The following ARB2A variants were observed in gnomAD, a reference collection of about 807,000 sequenced individuals.
The protein encoded by ARB2A is cotranscriptional regulator ARB2A.
At chr5:93,991,602 C>A in the ARB2A span, among the ~76,000 whole-genome samples, 7 of 151,444 alleles carry the variant, frequency 4.6e-5, no homozygotes, top group African/African-American at 7.3e-5. Context: ...AAAAATGGAA[C>A]TGCCAAGAAC....
the ARB2A span, among the ~76,000 whole-genome samples, chr5:94,095,423 A>G: frequency 1.3e-5 from 2 of 152,130 alleles, no homozygotes; most frequent in Non-Finnish European, 2.9e-5. Flanking sequence ...AGCAAACTAT[A>G]CAAGCCTTCT....
the ARB2A span, chr5:93,776,202 T>C: frequency 6.2e-7 from 1 of 1,612,400 alleles, no homozygotes; most frequent in Non-Finnish European, 8.5e-7. Context: ...ACTCCACTGA[T>C]GTGTCTAATG....
chr5:93,834,260 G>A, the ARB2A span, among the ~76,000 whole-genome samples: 1 of 152,158 alleles, frequency 6.6e-6, no homozygotes, highest in Admixed American at 6.5e-5. Flanking sequence ...AGCACCTAGT[G>A]TGAGACCATA....
chr5:93,715,364 G>T, the ARB2A span, among the ~76,000 whole-genome samples: 1 of 152,164 alleles, frequency 6.6e-6, no homozygotes, highest in East Asian at 1.9e-4. Context: ...TTCTGATGCA[G>T]TCCCCTTAAG....
the ARB2A span, among the ~76,000 whole-genome samples, chr5:93,967,011 G>T: frequency 6.8e-6 from 1 of 147,204 alleles, no homozygotes; most frequent in African/African-American, 2.5e-5. Context: ...ACAAGTTCAA[G>T]ATTTAAAAAA....
At chr5:93,777,223 G>A in the ARB2A span, among the ~76,000 whole-genome samples, 1 of 151,402 alleles carries the variant, frequency 6.6e-6, no homozygotes, top group Non-Finnish European at 1.5e-5. Context: ...ATGAGTTAGT[G>A]GGTGCGGCAC....
At chr5:93,641,125 G>A in the ARB2A span, among the ~76,000 whole-genome samples, 10 of 151,886 alleles carry the variant, frequency 6.6e-5, no homozygotes, top group African/African-American at 9.7e-5. Flanking sequence ...ACTTGAACCC[G>A]GGAGGTGGAG....
chr5:93,870,226 G>A, the ARB2A span, among the ~76,000 whole-genome samples: 1 of 152,154 alleles, frequency 6.6e-6, no homozygotes, highest in Non-Finnish European at 1.5e-5. Context: ...GGAGGAGGGA[G>A]GAAGGAGGGC....
chr5:93,641,654 TAAAG>T, the ARB2A span, among the ~76,000 whole-genome samples: 1 of 152,148 alleles, frequency 6.6e-6, no homozygotes, highest in Non-Finnish European at 1.5e-5. Flanking sequence ...ACCACAATAA[TAAAG>T]AATGCTATGA....
the ARB2A span, among the ~76,000 whole-genome samples, chr5:94,037,823 A>C: frequency 6.6e-6 from 1 of 152,166 alleles, no homozygotes; most frequent in Non-Finnish European, 1.5e-5. Context: ...CAGCCATTGA[A>C]AAACTCCTAT....
chr5:93,624,282 G>C, the ARB2A span, among the ~76,000 whole-genome samples: 1 of 152,130 alleles, frequency 6.6e-6, no homozygotes, highest in Non-Finnish European at 1.5e-5. Context: ...CACTAACCTT[G>C]TCATTTGAAG....
At chr5:94,100,140 G>A in the ARB2A span, among the ~76,000 whole-genome samples, 4 of 151,998 alleles carry the variant, frequency 2.6e-5, no homozygotes, top group Admixed American at 1.3e-4. Flanking sequence ...CCTACAGACC[G>A]ACAACAACCA....
the ARB2A span, among the ~76,000 whole-genome samples, chr5:93,663,506 T>A: frequency 6.6e-6 from 1 of 152,156 alleles, no homozygotes; most frequent in Non-Finnish European, 1.5e-5. Flanking sequence ...CAACTGATCA[T>A]GTGAGATAGA....
At chr5:93,799,328 CTGT>C in the ARB2A span, among the ~76,000 whole-genome samples, 1 of 152,032 alleles carries the variant, frequency 6.6e-6, no homozygotes. Flanking sequence ...GATAGTGTTG[CTGT>C]TGTTTTCTTT....
chr5:93,650,831 A>G, the ARB2A span, among the ~76,000 whole-genome samples: 1 of 151,832 alleles, frequency 6.6e-6, no homozygotes, highest in African/African-American at 2.4e-5. Flanking sequence ...CTACTAAAAA[A>G]AAAAAAAAAA....
At chr5:94,034,633 A>G in the ARB2A span, among the ~76,000 whole-genome samples, 1 of 152,166 alleles carries the variant, frequency 6.6e-6, no homozygotes, top group Non-Finnish European at 1.5e-5. Context: ...TTTATCCTCA[A>G]ATTGCACCAA....
chr5:93,996,430 G>T, the ARB2A span, among the ~76,000 whole-genome samples: 2 of 152,010 alleles, frequency 1.3e-5, no homozygotes, highest in Non-Finnish European at 1.5e-5. Flanking sequence ...TGACCTCAGG[G>T]TTGTGTGAGA....
chr5:93,712,910 C>T, the ARB2A span, among the ~76,000 whole-genome samples: 1 of 152,114 alleles, frequency 6.6e-6, no homozygotes, highest in East Asian at 1.9e-4. Context: ...CATACATCTA[C>T]ATTGAACTCA....
the ARB2A span, among the ~76,000 whole-genome samples, chr5:93,932,099 G>A: frequency 6.6e-6 from 1 of 152,008 alleles, no homozygotes; most frequent in Non-Finnish European, 1.5e-5. Context: ...TTTTACCATT[G>A]GTGGAATTGA....
Sources: gnomAD v4.1 joint callset for allele counts (sites outside exome capture counted in the v4.1 genomes callset) on GRCh38, gnomAD v4.1.1 for gene constraint, MANE v1.5 for transcripts, NCBI Gene and HGNC (gene_info 2026-07-23, HGNC 2026-07-21) for gene names.